Variants in TRIM24 observed in about 807,000 individuals in gnomAD.
The protein encoded by TRIM24 is transcription intermediary factor 1-alpha.
A neutral mutation model predicts 123.9 loss-of-function variants in TRIM24; 29 were observed. The ratio of observed to expected loss-of-function variants is 0.23; its 90% confidence interval spans 0.17 to 0.32. TRIM24 has a LOEUF of 0.32. Ranked by LOEUF, TRIM24 falls within the 10% of genes least tolerant of loss-of-function variation. The pLI, the probability that TRIM24 is intolerant of heterozygous loss-of-function variation, is 1.00. For missense variants in TRIM24, 932 were observed against 1,295.3 expected (o/e 0.72, Z 4.31); for synonymous variants, 456 against 461.1 (o/e 0.99, Z 0.14).
intron 7 of TRIM24, chr7:138,545,531 TAA>T: frequency 2.2e-6 from 1 of 456,840 alleles, no homozygotes; most frequent in Non-Finnish European, 4.4e-6. Flanking sequence ...GGATTGGAAT[TAA>T]GAGTACAAGT....
intron 7 of TRIM24, among the ~76,000 whole-genome samples, chr7:138,548,131 C>T (rs1397587318): frequency 2.0e-5 from 3 of 152,024 alleles, no homozygotes; most frequent in Non-Finnish European, 4.4e-5. Context: ...TGCTTGATGA[C>T]GGGGATGCAT....
intron 11 of TRIM24, among the ~76,000 whole-genome samples, chr7:138,573,298 A>G (rs1452057251): frequency 6.6e-6 from 1 of 152,202 alleles, no homozygotes; most frequent in Admixed American, 6.5e-5. Flanking sequence ...AGCGTCCTCA[A>G]TATTTTACTA....
chr7:138,478,749 G>A (rs1353868795), intron 1 of TRIM24, among the ~76,000 whole-genome samples: 1 of 152,188 alleles, frequency 6.6e-6, no homozygotes, highest in Non-Finnish European at 1.5e-5. Context: ...TTGATAAGGT[G>A]TTCTTGGCAT....
At chr7:138,525,391 T>C (rs762740144) in intron 5 of TRIM24, 34 bp downstream of exon 5, 1 of 1,224,202 alleles carries the variant, frequency 8.2e-7, no homozygotes, top group Non-Finnish European at 1.1e-6. Flanking sequence ...CATTTTTATA[T>C]AATTTGTTAA....
chr7:138,574,199 G>A (rs1797712082), intron 12 of TRIM24, among the ~76,000 whole-genome samples: 1 of 152,082 alleles, frequency 6.6e-6, no homozygotes, highest in South Asian at 2.1e-4. Context: ...ATTTGCCTAG[G>A]GTCAAAATGT....
chr7:138,580,139 T>C (rs1272104169), intron 15 of TRIM24, among the ~76,000 whole-genome samples: 2 of 152,182 alleles, frequency 1.3e-5, no homozygotes, highest in Admixed American at 6.5e-5. Flanking sequence ...AGCCATTGGG[T>C]TGATCTCTCA....
chr7:138,519,438 T>C (rs974656709), intron 4 of TRIM24, 117 bp downstream of exon 4: 1 of 1,190,552 alleles, frequency 8.4e-7, no homozygotes, highest in Non-Finnish European at 1.2e-6. Context: ...GCCAGCACTA[T>C]GCTGGCCTGT....
chr7:138,552,675 G>A (rs1797236641), intron 8 of TRIM24, among the ~76,000 whole-genome samples: 1 of 152,046 alleles, frequency 6.6e-6, no homozygotes, highest in Non-Finnish European at 1.5e-5. Flanking sequence ...ATACTCACCA[G>A]GAAAGGAGGA....
At position 138,570,872 on chromosome 7, in the gene TRIM24, A is replaced by T. The variant is rs763970400; in HGVS notation, c.1747A>T (p.Ser583Cys). The T allele has an allele frequency of 1.2e-6, 2 of 1,614,036 alleles. No homozygotes were observed. Among genetic ancestry groups the T allele is most frequent in the African/African-American group, 2.7e-5 (2 of 74,910 alleles). ...ACAGGGAACCCCATCAACTACCAAC[A>T]GCACATCCTCTACTCCTTCCAGCCC... Reference protein sequence around the residue: ...SGQGTPSTTNSTSSTPSSPTI... With the variant: ...SGQGTPSTTNCTSSTPSSPTI... The change falls in exon 11 of 19, where the codon AGC becomes TGC. Residue 583 changes from serine (S) to cysteine (C), a missense_variant. Physicochemically the swap from Ser to Cys is moderately radical, Grantham distance 112. Transcript: ENST00000343526.
intron 7 of TRIM24, among the ~76,000 whole-genome samples, chr7:138,550,630 A>G (rs2116629390): frequency 6.6e-6 from 1 of 152,274 alleles, no homozygotes; most frequent in East Asian, 1.9e-4. Flanking sequence ...GTAACAAGGA[A>G]CAAGGAGAAC....
At chr7:138,508,724 T>TGTGTGTGCGC (rs1554436745) in intron 2 of TRIM24, among the ~76,000 whole-genome samples, 1 of 148,724 alleles carries the variant, frequency 6.7e-6, no homozygotes. Flanking sequence ...TGTGTGCGTG[T>TGTGTGTGCGC]GTGTGTGTGT....
chr7:138,567,706 CA>C (rs1194074735), intron 10 of TRIM24, 52 bp downstream of exon 10: 1 of 1,490,708 alleles, frequency 6.7e-7, no homozygotes, highest in Non-Finnish European at 9.0e-7. Flanking sequence ...TTTCTACTTT[CA>C]AATCACAAAG....
chr7:138,545,067 G>A (rs756995666), intron 7 of TRIM24, among the ~76,000 whole-genome samples: 1 of 152,206 alleles, frequency 6.6e-6, no homozygotes, highest in Non-Finnish European at 1.5e-5. Flanking sequence ...CAGGCTATGT[G>A]TGTTGAGTAT....
At chr7:138,493,254 T>TC (rs1218125083) in intron 1 of TRIM24, among the ~76,000 whole-genome samples, 3 of 152,246 alleles carry the variant, frequency 2.0e-5, no homozygotes, top group African/African-American at 7.2e-5. Flanking sequence ...GGGATAGTTT[T>TC]CTGTGAAATT....
At chr7:138,499,687 C>G (rs1253381069) in intron 1 of TRIM24, among the ~76,000 whole-genome samples, 1 of 152,162 alleles carries the variant, frequency 6.6e-6, no homozygotes, top group Non-Finnish European at 1.5e-5. Flanking sequence ...TCATTCCCAG[C>G]ATGTTATACA....
At chr7:138,583,759 C>T in intron 17 of TRIM24, 91 bp from the exon 18 acceptor site, 1 of 953,402 alleles carries the variant, frequency 1.0e-6, no homozygotes, top group Non-Finnish European at 1.5e-6. Context: ...GCAATGAGAA[C>T]ATTCTGAATT....
chr7:138,466,877 G>A (rs1795153867), intron 1 of TRIM24, among the ~76,000 whole-genome samples: 1 of 152,002 alleles, frequency 6.6e-6, no homozygotes, highest in Admixed American at 6.6e-5. Context: ...CCTACCCCAA[G>A]TTTACTAAGA....
At chr7:138,548,489 T>G (rs933297927) in intron 7 of TRIM24, among the ~76,000 whole-genome samples, 91 of 151,680 alleles carry the variant, frequency 6.0e-4, no homozygotes, top group African/African-American at 1.9e-3. Context: ...GGACTGGAAG[T>G]TGCTCTGGGT....
chr7:138,539,265 A>G (rs1796953704), intron 7 of TRIM24, among the ~76,000 whole-genome samples: 1 of 152,154 alleles, frequency 6.6e-6, no homozygotes, highest in Non-Finnish European at 1.5e-5. Flanking sequence ...TTATAATATG[A>G]TCTCAGACAT....
Sources: allele counts gnomAD v4.1 joint callset (sites outside exome capture counted in the v4.1 genomes callset), GRCh38; gene constraint gnomAD v4.1.1; transcripts MANE v1.5; gene names NCBI Gene and HGNC (gene_info 2026-07-23, HGNC 2026-07-21).